The following GALNT17 variants were observed in gnomAD, a reference collection of about 807,000 sequenced individuals.
GALNT17 encodes polypeptide N-acetylgalactosaminyltransferase 17.
In GALNT17, 29 loss-of-function variants were observed where a neutral mutation model predicts 63.7. That is an observed-to-expected ratio of 0.46 (90% confidence interval 0.34 to 0.62). The LOEUF (loss-of-function observed/expected upper bound fraction) is 0.62, where lower values mean the gene tolerates loss of function less well. Among genes scored for constraint, GALNT17 ranks in the 20% least tolerant of loss-of-function variants. The probability of loss-of-function intolerance (pLI) is 0.01; values close to 1 mark genes in which losing one functional copy is unlikely to be tolerated. For missense variants in GALNT17, 603 were observed against 799.6 expected (o/e 0.75, Z 2.97); for synonymous variants, 305 against 318.3 (o/e 0.96, Z 0.45).
chr7:71,167,221 T>C (rs1047499473), intron 1 of GALNT17, among the ~76,000 whole-genome samples: 1 of 152,048 alleles, frequency 6.6e-6, no homozygotes, highest in Non-Finnish European at 1.5e-5. Context: ...TTTTCCGTTT[T>C]ATATTCCCAC....
At chr7:71,170,174 G>C (rs1312198869) in intron 1 of GALNT17, among the ~76,000 whole-genome samples, 2 of 152,046 alleles carry the variant, frequency 1.3e-5, no homozygotes, top group Admixed American at 6.6e-5. Flanking sequence ...ATCTTGCCTT[G>C]ATAGTGAATG....
chr7:71,462,163 G>C (rs1017838963), intron 5 of GALNT17, among the ~76,000 whole-genome samples: 5 of 152,184 alleles, frequency 3.3e-5, no homozygotes, highest in African/African-American at 4.8e-5. Flanking sequence ...GTGGGGCACT[G>C]TGGGGTGCAG....
At chr7:71,416,708 T>G (rs538548355) in intron 4 of GALNT17, among the ~76,000 whole-genome samples, 1 of 152,330 alleles carries the variant, frequency 6.6e-6, no homozygotes, top group East Asian at 1.9e-4. Context: ...TCTTGTTCTC[T>G]TTTCCTTCTT....
At chr7:71,284,850 A>G (rs937364460) in intron 1 of GALNT17, among the ~76,000 whole-genome samples, 3 of 149,766 alleles carry the variant, frequency 2.0e-5, no homozygotes, top group African/African-American at 2.4e-5. Flanking sequence ...CTTTAAAATC[A>G]TTGCATTTGT....
chr7:71,377,846 C>A lies in GALNT17; in HGVS notation c.423-10389C>A, dbSNP rs115898478. ...GTCCCTCCTTCCTTCTCTCTCCTGC[C>A]GCCTTGTGAAGAAGGTGCTTGCTTC... is the stretch of plus-strand genomic sequence containing the variant. On this transcript the variant is annotated intron_variant, in intron 2 of 10. Transcript: ENST00000333538. Among the ~76,000 whole-genome samples, 817 of 152,196 alleles carry A rather than the reference C, an allele frequency of 5.4e-3. 8 individuals carry two copies. Among genetic ancestry groups the A allele is most frequent in the African/African-American group, 0.019 (780 of 41,526 alleles).
At chr7:71,580,580 G>T (rs971720831) in intron 6 of GALNT17, among the ~76,000 whole-genome samples, 1 of 152,092 alleles carries the variant, frequency 6.6e-6, no homozygotes, top group East Asian at 1.9e-4. Context: ...ATAAAGCTGC[G>T]TACACTCAGG....
intron 3 of GALNT17, among the ~76,000 whole-genome samples, chr7:71,393,165 T>A (rs1793080017): frequency 6.6e-6 from 1 of 152,226 alleles, no homozygotes; most frequent in Admixed American, 6.5e-5. Context: ...ATGGCTTCAT[T>A]AATAGTGATG....
intron 3 of GALNT17, among the ~76,000 whole-genome samples, chr7:71,390,206 C>T (rs1010051653): frequency 2.6e-5 from 4 of 152,312 alleles, no homozygotes; most frequent in Admixed American, 1.3e-4. Flanking sequence ...ACCCTGCAAG[C>T]TGCTCCGTCG....
Position 71,521,425 on chromosome 7 carries a change from C to T in GALNT17, c.963-49860C>T, listed in dbSNP as rs976150559. Reference sequence around the variant, plus strand: ...TCATCTACCATTCGTGTCCATCTGTCCTGGACTACAAAAGATTTGCAGAAC... The same window carrying T: ...TCATCTACCATTCGTGTCCATCTGTTCTGGACTACAAAAGATTTGCAGAAC... On this transcript the variant is annotated intron_variant, in intron 5 of 10. Transcript: ENST00000333538. 3.9e-5 allele frequency among the ~76,000 whole-genome samples: 6 copies of T among 152,180 alleles called. No individual in the cohort carries two copies. The East Asian group carries it at 1.2e-3, about 29-fold the overall frequency.
intron 1 of GALNT17, among the ~76,000 whole-genome samples, chr7:71,320,530 T>C (rs565462987): frequency 3.9e-5 from 6 of 152,200 alleles, no homozygotes; most frequent in Non-Finnish European, 8.8e-5. Flanking sequence ...GGATTACAGA[T>C]GTGAGCCACC....
intron 5 of GALNT17, among the ~76,000 whole-genome samples, chr7:71,437,425 A>G (rs1418958705): frequency 1.3e-5 from 2 of 152,218 alleles, no homozygotes; most frequent in African/African-American, 2.4e-5. Context: ...AAGAATGCCT[A>G]CGAACCATCA....
intron 3 of GALNT17, among the ~76,000 whole-genome samples, chr7:71,394,616 C>T (rs917956739): frequency 6.6e-6 from 1 of 152,130 alleles, no homozygotes; most frequent in Non-Finnish European, 1.5e-5. Flanking sequence ...TTTGTAGCTC[C>T]ATTGGTCCAA....
chr7:71,281,082 A>C (rs560381396), intron 1 of GALNT17, among the ~76,000 whole-genome samples: 265 of 152,350 alleles, frequency 1.7e-3, no homozygotes, highest in Non-Finnish European at 2.9e-3. Flanking sequence ...GGGACCAGCT[A>C]TTGGGAATGC....
intron 5 of GALNT17, among the ~76,000 whole-genome samples, chr7:71,544,124 C>CTTTTTTTTTTTTTTTT (rs60144462): frequency 1.5e-5 from 2 of 132,424 alleles, no homozygotes; most frequent in African/African-American, 2.9e-5. Flanking sequence ...TTTCTTTTTT[C>CTTTTTTTTTTTTTTTT]TTTTTTTTTT....
chr7:71,425,303 A>G (rs1182471267), intron 5 of GALNT17, among the ~76,000 whole-genome samples: 2 of 151,798 alleles, frequency 1.3e-5, no homozygotes, highest in Non-Finnish European at 2.9e-5. Flanking sequence ...GCTCGCTGCA[A>G]CCTCTGCCTC....
At chr7:71,606,301 T>C (rs1267947629) in intron 6 of GALNT17, among the ~76,000 whole-genome samples, 1 of 151,948 alleles carries the variant, frequency 6.6e-6, no homozygotes, top group Non-Finnish European at 1.5e-5. Flanking sequence ...TTGAAAAGAG[T>C]GCAACACTCT....
intron 5 of GALNT17, among the ~76,000 whole-genome samples, chr7:71,450,331 C>T (rs1401936471): frequency 2.0e-5 from 3 of 151,886 alleles, no homozygotes; most frequent in African/African-American, 4.8e-5. Context: ...GACGGGGTTT[C>T]GCCATGTTGG....
intron 1 of GALNT17, among the ~76,000 whole-genome samples, chr7:71,177,900 G>A (rs1017317618): frequency 1.3e-5 from 2 of 152,174 alleles, no homozygotes; most frequent in Non-Finnish European, 2.9e-5. Context: ...TTAAAAGGAA[G>A]GTAGGGGTTG....
At chr7:71,472,194 A>T (rs1787643607) in intron 5 of GALNT17, among the ~76,000 whole-genome samples, 1 of 152,024 alleles carries the variant, frequency 6.6e-6, no homozygotes, top group African/African-American at 2.4e-5. Flanking sequence ...CATGGATCCC[A>T]CTCATGAGAA....
Sources: allele counts gnomAD v4.1 joint callset (sites outside exome capture counted in the v4.1 genomes callset), GRCh38; gene constraint gnomAD v4.1.1; transcripts MANE v1.5; gene names NCBI Gene and HGNC (gene_info 2026-07-23, HGNC 2026-07-21).